JHY: variants seen among roughly 807,000 people sequenced by gnomAD.
The protein encoded by JHY is jhy protein homolog.
A neutral mutation model predicts 78.0 loss-of-function variants in JHY; 69 were observed. The ratio of observed to expected loss-of-function variants is 0.88; its 90% CI spans 0.73 to 1.08. JHY has a LOEUF of 1.08. Ranked by LOEUF, JHY falls within the 50% of genes least tolerant of loss-of-function variation. JHY has a pLI of 0.00. For missense variants in JHY, 944 were observed against 927.8 expected (o/e 1.02, Z -0.23); for synonymous variants, 368 against 342.6 (o/e 1.07, Z -0.82).
At chr11:122,943,111 G>A (rs1863906899) in intron 5 of JHY, among the ~76,000 whole-genome samples, 1 of 152,184 alleles carries the variant, frequency 6.6e-6, no homozygotes, top group Non-Finnish European at 1.5e-5. Flanking sequence ...CTCGGCTCAA[G>A]CCATCTTCCT....
At position 122,960,842 on chromosome 11, in the gene JHY, G is replaced by T; in HGVS notation, c.*1397G>T. The T allele has an allele frequency of 1.5e-6, 1 of 646,444 alleles. No homozygotes were observed. The highest frequency in any genetic ancestry group is 1.4e-5 in the South Asian group (1 of 71,162). The allele number at this position is 646,444 out of a possible 1,614,324, so 40.0% of individuals were successfully genotyped here. ...AGCGCCATTACCTTTTTGATGTGCAGAGGAATAACATTGCTATGGCTGTGG... is the reference window on the plus strand; with the variant it reads ...AGCGCCATTACCTTTTTGATGTGCATAGGAATAACATTGCTATGGCTGTGG... On this transcript the variant is annotated 3_prime_UTR_variant, in exon 9 of 9. Coordinates refer to ENST00000227349, the MANE Select transcript of JHY (RefSeq NM_024806.4).
At chr11:122,950,325 C>G (rs985014808) in intron 6 of JHY, among the ~76,000 whole-genome samples, 1 of 152,162 alleles carries the variant, frequency 6.6e-6, no homozygotes, top group Non-Finnish European at 1.5e-5. Flanking sequence ...AACACATTTT[C>G]GAGGTGAGGA....
At chr11:122,913,088 C>A (rs763544740) in intron 3 of JHY, among the ~76,000 whole-genome samples, 1 of 152,036 alleles carries the variant, frequency 6.6e-6, no homozygotes, top group Non-Finnish European at 1.5e-5. Flanking sequence ...AAAACAATAA[C>A]GTTCACACGC....
intron 3 of JHY, 148 bp from the exon 4 acceptor site, chr11:122,924,749 T>C (rs1010492897): frequency 2.0e-5 from 12 of 601,120 alleles, no homozygotes; most frequent in Non-Finnish European, 3.3e-5. Flanking sequence ...ATCAGGTCCC[T>C]GAGGACTGAT....
Position 122,898,385 on chromosome 11 carries a change from G to A in JHY, c.345-5540G>A, listed in dbSNP as rs990141951. The stretch of plus-strand genomic sequence containing the variant: ...GAGCCCGATCCAGAGCAGACTGCCA[G>A]GCTCTGTGACCTTGGGAGATGTACA... On this transcript the variant is annotated intron_variant, in intron 2 of 8. Coordinates refer to ENST00000227349, the MANE Select transcript of JHY (RefSeq NM_024806.4). The surrounding 1 kb of genome is among the most constrained non-coding windows in gnomAD (Gnocchi z 4.4). Among the ~76,000 whole-genome samples, 2 of 152,200 alleles carry A rather than the reference G, an allele frequency of 1.3e-5. No homozygotes were observed. The highest frequency in any genetic ancestry group is 1.5e-5 in the Non-Finnish European group (1 of 68,032).
rs1252441075 is a variant in JHY at position 122,903,932 on chromosome 11, C to T, written c.352C>T (p.Pro118Ser). The change falls in exon 3 of 9, where the codon CCA becomes TCA. Residue 118 changes from proline to serine, a missense_variant. By Grantham distance (74) the Pro-to-Ser change is moderately conservative (BLOSUM62 -1). Transcript: ENST00000227349. ...CTCTTCTGCTTTGGGCAGGCAACAA[C>T]CAATAGAAGACAAATATTCAGACCT... ...WDQGANNRQQ[P>S]IEDKYSDLRY... 3.8e-6 allele frequency: 6 copies of T among 1,580,478 alleles called. No individual in the cohort carries two copies. The highest frequency in any genetic ancestry group is 3.4e-6 in the Non-Finnish European group (4 of 1,161,316).
Position 122,934,624 on chromosome 11 carries a change from C to T in JHY, c.1183C>T (p.Pro395Ser). ...TASQGNQNNP[P>S]RQQQNQNKPL... ...CAGTCAGGGGAACCAGAATAACCCTCCCAGGCAGCAACAAAACCAAAATAA... is the reference window on the plus strand; with the variant it reads ...CAGTCAGGGGAACCAGAATAACCCTTCCAGGCAGCAACAAAACCAAAATAA... Residue 395 changes from proline to serine, a missense_variant, in exon 5 of 9, where the codon CCC (proline) becomes TCC (serine). Transcript: ENST00000227349. The T allele has an allele frequency of 1.9e-6, 3 of 1,614,080 alleles. No homozygotes were observed. Among genetic ancestry groups the T allele is most frequent in the African/African-American group, 1.3e-5 (1 of 75,020 alleles).
In JHY at chr11:122,956,555, C is replaced by T; in HGVS notation, c.1989C>T (p.Asp663=). Residue 663 remains aspartate (D), a synonymous_variant, in exon 7 of 9, where the codon GAC becomes GAT. Coordinates refer to ENST00000227349, the MANE Select transcript of JHY (RefSeq NM_024806.4). ...TGAAGCTTGGAGGCCTCGGACCTGACTTTGAGTCCATCAGAGACAAAGTGA... is the reference window on the plus strand; with the variant it reads ...TGAAGCTTGGAGGCCTCGGACCTGATTTTGAGTCCATCAGAGACAAAGTGA... ...RDVKLGGLGP[D]FESIRDKTQK... is the part of the protein sequence containing the mutation. The T allele has an allele frequency of 1.2e-6, 2 of 1,613,622 alleles. No individual in the cohort carries two copies. Among genetic ancestry groups the T allele is most frequent in the Non-Finnish European group, 8.5e-7 (1 of 1,179,648 alleles).
chr11:122,908,692 G>T (rs1347615159), intron 3 of JHY, among the ~76,000 whole-genome samples: 1 of 152,080 alleles, frequency 6.6e-6, no homozygotes, highest in African/African-American at 2.4e-5. Flanking sequence ...GAGGCTCTTG[G>T]TTTGTTTTGT....
chr11:122,956,146 CA>C (rs1476157880), intron 6 of JHY, among the ~76,000 whole-genome samples: 1 of 144,140 alleles, frequency 6.9e-6, no homozygotes, highest in African/African-American at 2.5e-5. Context: ...ACAGCAAAAC[CA>C]GGTATCTCCA....
Position 122,960,914 on chromosome 11 carries a change from G to C in JHY, c.*1469G>C, listed in dbSNP as rs7937474. The C allele has an allele frequency of 0.47, 318,970 of 684,516 alleles. 79,058 individuals are homozygous for C. Among genetic ancestry groups the C allele is most frequent in the Non-Finnish European group, 0.53 (189,316 of 354,454 alleles). 42.4% of individuals were successfully genotyped at this position (684,516 alleles called of 1,614,324 possible). A position where few individuals can be genotyped will look rare whatever the true frequency, so the allele number is the denominator to read the frequency against. ...TGCATAGAGTGTATAAGGAAGTAAA[G>C]AATCGCCTGGACTATCATATATCTG... is the stretch of plus-strand genomic sequence containing the variant. On this transcript the variant is annotated 3_prime_UTR_variant, in exon 9 of 9. Coordinates refer to ENST00000227349, the MANE Select transcript of JHY (RefSeq NM_024806.4).
chr11:122,908,286 G>A (rs1863037078), intron 3 of JHY, among the ~76,000 whole-genome samples: 1 of 152,134 alleles, frequency 6.6e-6, no homozygotes, highest in Admixed American at 6.5e-5. Flanking sequence ...GTGTAGGGTG[G>A]GACCCAGGGA....
rs1181731914 is a variant in JHY, at chr11:122,944,154, G to A, written c.1635-2344G>A. Among the ~76,000 whole-genome samples the A allele has an allele frequency of 2.6e-5, 4 of 152,260 alleles. No homozygotes were observed. In the East Asian group the frequency reaches 7.7e-4, roughly 29 times the overall value. On this transcript the variant is annotated intron_variant, in intron 5 of 8. Transcript: ENST00000227349. ...AGAGGTTGCAGTAAGCCAAAATCTT[G>A]CCACTGCATTCCAGCCTGGGTGATA... is the stretch of plus-strand genomic sequence containing the variant.
intron 3 of JHY, among the ~76,000 whole-genome samples, chr11:122,921,026 A>G (rs1393384660): frequency 6.8e-6 from 1 of 147,038 alleles, no homozygotes; most frequent in Non-Finnish European, 1.5e-5. Flanking sequence ...GTATTAATAG[A>G]ATGGTTCACA....
intron 2 of JHY, among the ~76,000 whole-genome samples, chr11:122,892,537 TG>T (rs1165758801): frequency 1.6e-4 from 24 of 152,236 alleles, no homozygotes; most frequent in African/African-American, 5.5e-4. Flanking sequence ...TTAGTCAGGA[TG>T]GTCTTGATCT....
In JHY at chr11:122,935,198, C is replaced by T. The variant is rs1863727332; in HGVS notation, c.1634+123C>T. 2 of 848,578 alleles carry T rather than the reference C, an allele frequency of 2.4e-6. No homozygotes were observed. Among genetic ancestry groups the T allele is most frequent in the South Asian group, 2.3e-5 (1 of 44,018 alleles). 52.6% of individuals were successfully genotyped at this position (848,578 alleles called of 1,614,324 possible). On this transcript the variant is annotated intron_variant, in intron 5 of 8. Transcript: ENST00000227349. This position sits in a 1 kb window ranked among gnomAD's most constrained non-coding sequence, Gnocchi z 4.5. ...TGGCTAGGTGAGAAGAAGAGTTCAC[C>T]TAACAACTTCCTTAGCTCTGATTCC...
At chr11:122,923,754 G>A (rs1399879649) in intron 3 of JHY, among the ~76,000 whole-genome samples, 2 of 151,798 alleles carry the variant, frequency 1.3e-5, no homozygotes, top group Non-Finnish European at 2.9e-5. Flanking sequence ...GGCTCACTCT[G>A]TCGCCCAGGC....
At chr11:122,912,569 C>T (rs530790483) in intron 3 of JHY, among the ~76,000 whole-genome samples, 6 of 152,136 alleles carry the variant, frequency 3.9e-5, no homozygotes, top group East Asian at 1.9e-4. Flanking sequence ...AGCTCAACCT[C>T]GTCTCCACCA....
intron 4 of JHY, among the ~76,000 whole-genome samples, chr11:122,927,682 C>T (rs1427670083): frequency 2.6e-5 from 4 of 152,108 alleles, no homozygotes; most frequent in African/African-American, 4.8e-5. Context: ...CATATTGGGC[C>T]GTGTCTCATT....
Sources: allele counts gnomAD v4.1 joint callset (sites outside exome capture counted in the v4.1 genomes callset), GRCh38; gene constraint gnomAD v4.1.1; non-coding constraint Gnocchi (gnomAD v3.1); transcripts MANE v1.5; gene names NCBI Gene and HGNC (gene_info 2026-07-23, HGNC 2026-07-21).